ADD2: variants seen among roughly 807,000 people sequenced by gnomAD.
ADD2 encodes beta-adducin.
Under a neutral mutation model 83.0 loss-of-function variants are expected in ADD2, and 23 were observed. The observed-to-expected ratio is 0.28, with a 90% CI of 0.20 to 0.39. The LOEUF is 0.39. Ranked by LOEUF, ADD2 falls within the 10% of genes least tolerant of loss-of-function variation. The pLI is 1.00. For synonymous variants in ADD2, 375 were observed against 375.4 expected (o/e 1.00, Z 0.01); for missense variants, 758 against 944.9 (o/e 0.80, Z 2.59).
Position 70,676,042 on chromosome 2 carries a change from C to T in ADD2, c.1593+754G>A, listed in dbSNP as rs574742584. The T allele has an allele frequency of 2.7e-3, 2,690 of 985,448 alleles. 9 individuals are homozygous for T. Among genetic ancestry groups the T allele is most frequent in the Non-Finnish European group, 3.1e-3 (2,533 of 829,938 alleles). The allele number at this position is 985,448 out of a possible 1,614,324, so 61.0% of individuals were successfully genotyped here. On this transcript the variant is annotated intron_variant, in intron 13 of 15. Coordinates refer to ENST00000264436, the MANE Select transcript of ADD2 (RefSeq NM_001617.4). This position sits in a 1 kb window ranked among gnomAD's most constrained non-coding sequence, Gnocchi z 4.8. ...CAATGGGCACCCACCCTGTGGGCTG[C>T]AGTCTTGACCTGAAATCATTGCATC...
chr2:70,718,108 A>T (rs911902545), intron 1 of ADD2, among the ~76,000 whole-genome samples: 2 of 152,174 alleles, frequency 1.3e-5, no homozygotes, highest in Non-Finnish European at 2.9e-5. Flanking sequence ...AAGTCCAGTG[A>T]ATTTTAAAAG....
intron 1 of ADD2, among the ~76,000 whole-genome samples, chr2:70,733,725 G>C (rs1051490507): frequency 6.6e-6 from 1 of 152,166 alleles, no homozygotes; most frequent in Non-Finnish European, 1.5e-5. Flanking sequence ...AGAAGGGAAC[G>C]GAAGATTCTA....
intron 1 of ADD2, among the ~76,000 whole-genome samples, chr2:70,718,007 C>T (rs540702844): frequency 6.6e-6 from 1 of 152,268 alleles, no homozygotes; most frequent in Admixed American, 6.5e-5. Flanking sequence ...TCCAGACACC[C>T]CCTTAGTTGG....
chr2:70,706,619 TCTA>T lies in ADD2; in HGVS notation c.-34-180_-34-178del, dbSNP rs1671920899. The stretch of plus-strand genomic sequence containing the variant: ...CGCCAGCAGCGGCCCCATATACCCA[TCTA>T]TAGGGGCGCTGCTGTGCCATGAGAC... On this transcript the variant is annotated intron_variant, in intron 2 of 15. Coordinates refer to ENST00000264436, the MANE Select transcript of ADD2 (RefSeq NM_001617.4). This position sits in a 1 kb window ranked among gnomAD's most constrained non-coding sequence, Gnocchi z 5.0. 6.6e-6 allele frequency among the ~76,000 whole-genome samples: 1 copy of T among 152,146 alleles called. No homozygotes were observed.
chr2:70,758,500 G>A (rs1301694824), intron 1 of ADD2, among the ~76,000 whole-genome samples: 1 of 152,164 alleles, frequency 6.6e-6, no homozygotes, highest in Non-Finnish European at 1.5e-5. Context: ...AGAGGGTAGA[G>A]CGTAAAGGAA....
Position 70,704,394 on chromosome 2 carries a change from G to A in ADD2, c.249C>T (p.Asn83=), listed in dbSNP as rs781785237. ...EQMKKGNNSS[N]IWALRQIADF... ...CCGCGATCTGTCGCAGGGCCCAGAT[G>A]TTGGAGGAGTTGTTCCCCTTCTTCA... The change falls in exon 4 of 16, where the codon AAC becomes AAT. Residue 83 remains asparagine, a synonymous_variant. Transcript: ENST00000264436. 7 of 1,614,080 alleles carry A rather than the reference G, an allele frequency of 4.3e-6. No homozygotes were observed. The highest frequency in any genetic ancestry group is 5.9e-6 in the Non-Finnish European group (7 of 1,180,014).
At position 70,662,332 on chromosome 2, in the gene ADD2, G is replaced by A. The variant is rs1675568565; in HGVS notation, c.*1093C>T. On this transcript the variant is annotated 3_prime_UTR_variant, in exon 16 of 16. Transcript: ENST00000264436. ...TGGTGCAAGAGGATTAATCCTGAAG[G>A]GCTCATTTCTGATTCTCCTCTGCTG... The A allele has an allele frequency of 6.6e-6, 1 of 152,130 alleles. No homozygotes were observed. The highest frequency in any genetic ancestry group is 1.5e-5 in the Non-Finnish European group (1 of 68,026). The allele number at this position is 152,130 out of a possible 1,614,324, so 9.4% of individuals were successfully genotyped here. A position where few individuals can be genotyped will look rare whatever the true frequency, so the allele number is the denominator to read the frequency against.
chr2:70,699,844 G>A (rs2104359705), intron 4 of ADD2, among the ~76,000 whole-genome samples: 1 of 152,186 alleles, frequency 6.6e-6, no homozygotes, highest in East Asian at 1.9e-4. Context: ...ATAAAAGGAA[G>A]ATCAAAAATA....
At chr2:70,756,793 T>C (rs1553383933) in intron 1 of ADD2, among the ~76,000 whole-genome samples, 1 of 151,952 alleles carries the variant, frequency 6.6e-6, no homozygotes, top group African/African-American at 2.4e-5. Context: ...AGAGATGGAG[T>C]TGTAGTGCAA....
intron 8 of ADD2, among the ~76,000 whole-genome samples, chr2:70,689,639 T>C (rs150115563): frequency 6.6e-6 from 1 of 152,300 alleles, no homozygotes; most frequent in Non-Finnish European, 1.5e-5. Context: ...GATACCTCAC[T>C]GTGTTAGAGA....
At chr2:70,679,035 C>A (rs782692224) in intron 10 of ADD2, 74 bp from the exon 11 acceptor site, 52 of 1,488,656 alleles carry the variant, frequency 3.5e-5, no homozygotes, top group Non-Finnish European at 4.6e-5. Context: ...TGCACACACA[C>A]CTTTCCTTCC....
chr2:70,691,876 T>C (rs1316141470), intron 7 of ADD2: 2 of 152,400 alleles, frequency 1.3e-5, no homozygotes, highest in African/African-American at 4.8e-5. Context: ...GAACTGGTTG[T>C]CTGCCTGCCG....
chr2:70,674,100 G>A (rs1219817349), intron 14 of ADD2, among the ~76,000 whole-genome samples: 1 of 152,180 alleles, frequency 6.6e-6, no homozygotes, highest in Admixed American at 6.5e-5. Context: ...AGGGTGACAG[G>A]GAGGCCCTTC....
intron 4 of ADD2, among the ~76,000 whole-genome samples, chr2:70,702,535 A>G (rs985998563): frequency 6.6e-6 from 1 of 152,204 alleles, no homozygotes; most frequent in African/African-American, 2.4e-5. Context: ...AATTAAGGGT[A>G]TTTGTTCCAT....
At chr2:70,675,090 G>A (rs1425129918) in intron 13 of ADD2, 1 of 1,194,922 alleles carries the variant, frequency 8.4e-7, no homozygotes, top group Non-Finnish European at 1.0e-6. Flanking sequence ...ATGCTCCCGA[G>A]CAGAAGGAAG....
chr2:70,665,809 TG>T (rs1675768291), intron 15 of ADD2, among the ~76,000 whole-genome samples: 2 of 132,154 alleles, frequency 1.5e-5, no homozygotes, highest in Non-Finnish European at 3.2e-5. Context: ...CGATCACACT[TG>T]TTTTTTTGTT....
chr2:70,737,252 A>G (rs377320583), intron 1 of ADD2, among the ~76,000 whole-genome samples: 1 of 152,210 alleles, frequency 6.6e-6, no homozygotes, highest in Non-Finnish European at 1.5e-5. Flanking sequence ...TATAAATCAT[A>G]CTGCTATAAA....
At chr2:70,677,611 TG>T in intron 12 of ADD2, 146 bp downstream of exon 12, 1 of 1,060,988 alleles carries the variant, frequency 9.4e-7, no homozygotes, top group Non-Finnish European at 1.4e-6. Flanking sequence ...ACCTGGGCCA[TG>T]GTCAGTCAAT....
At chr2:70,764,528 T>C (rs1553385631) in intron 1 of ADD2, among the ~76,000 whole-genome samples, 1 of 151,908 alleles carries the variant, frequency 6.6e-6, no homozygotes, top group African/African-American at 2.4e-5. Context: ...ATGGCTCAAA[T>C]GGAAAGATAC....
Sources: allele counts gnomAD v4.1 joint callset (sites outside exome capture counted in the v4.1 genomes callset), GRCh38; gene constraint gnomAD v4.1.1; non-coding constraint Gnocchi (gnomAD v3.1); transcripts MANE v1.5; gene names NCBI Gene and HGNC (gene_info 2026-07-23, HGNC 2026-07-21).